The following SENP8 variants were observed in gnomAD, a reference collection of about 807,000 sequenced individuals.
SENP8 encodes the protein sentrin-specific protease 8.
SENP8 carries 10 observed loss-of-function variants against 14.4 expected under a neutral mutation model. The observed-to-expected ratio is 0.69, with a 90% CI of 0.43 to 1.18. SENP8 has a LOEUF of 1.18. Ranked by LOEUF, SENP8 falls within the 50% of genes most tolerant of loss-of-function variation. The pLI is 0.00. For missense variants in SENP8, 202 were observed against 249.4 expected (o/e 0.81, Z 1.28); for synonymous variants, 94 against 95.5 (o/e 0.98, Z 0.09).
At chr15:72,135,829 C>G (rs917519784) in intron 1 of SENP8, among the ~76,000 whole-genome samples, 1 of 152,212 alleles carries the variant, frequency 6.6e-6, no homozygotes, top group African/African-American at 2.4e-5. Context: ...ACTGTTGAGG[C>G]AGTCTTCTTG....
intron 1 of SENP8, among the ~76,000 whole-genome samples, chr15:72,119,950 C>A (rs2151317907): frequency 6.6e-6 from 1 of 152,318 alleles, no homozygotes; most frequent in South Asian, 2.1e-4. Flanking sequence ...CTCCCGTTCC[C>A]TTCCGTCCAG....
chr15:72,132,602 TATC>T (rs60305971), intron 1 of SENP8, among the ~76,000 whole-genome samples: 30,158 of 151,030 alleles, frequency 0.2, 3,191 homozygotes, highest in East Asian at 0.4. Flanking sequence ...ATAATGTTAT[TATC>T]ATCCTCTCAC....
intron 1 of SENP8, among the ~76,000 whole-genome samples, chr15:72,132,671 T>C (rs2081286052): frequency 6.6e-6 from 1 of 151,078 alleles, no homozygotes; most frequent in African/African-American, 2.4e-5. Flanking sequence ...TTTTTTTTTT[T>C]TTTAAACAGA....
At position 72,125,369 on chromosome 15, in the gene SENP8, G is replaced by C. The variant is rs28507982; in HGVS notation, c.-48+6905G>C. ...ATTTTATTTTAACTTACATTTATTT[G>C]ATTACTACTCTGATGTCCAGTGTCT... is the stretch of plus-strand genomic sequence containing the variant. On this transcript the variant is annotated intron_variant, in intron 1 of 1. Coordinates refer to ENST00000340912, the MANE Select transcript of SENP8 (RefSeq NM_145204.4). Among the ~76,000 whole-genome samples, 857 of 152,062 alleles carry C rather than the reference G, an allele frequency of 5.6e-3. 11 individuals carry two copies. Among genetic ancestry groups the C allele is most frequent in the African/African-American group, 0.02 (811 of 41,476 alleles).
intron 1 of SENP8, among the ~76,000 whole-genome samples, chr15:72,125,668 T>C (rs1438472353): frequency 1.3e-5 from 2 of 152,140 alleles, no homozygotes; most frequent in African/African-American, 4.8e-5. Flanking sequence ...TATTTCGTGG[T>C]TAAATAAGTT....
At chr15:72,117,466 G>A (rs1395885584), upstream of SENP8, among the ~76,000 whole-genome samples, 1 of 152,160 alleles carries the variant, frequency 6.6e-6, no homozygotes, top group Admixed American at 6.5e-5. Context: ...GAGGCTGGAG[G>A]GCCGGAATGG....
chr15:72,132,481 C>T (rs1333374535), intron 1 of SENP8, among the ~76,000 whole-genome samples: 2 of 152,018 alleles, frequency 1.3e-5, no homozygotes, highest in Non-Finnish European at 2.9e-5. Context: ...TATTGCACTT[C>T]AGATATGCCA....
intron 1 of SENP8, among the ~76,000 whole-genome samples, chr15:72,130,050 C>G (rs1036942632): frequency 2.0e-5 from 3 of 151,914 alleles, no homozygotes; most frequent in African/African-American, 7.3e-5. Flanking sequence ...ATTAGCCAAG[C>G]ATTGTGGTAG....
chr15:72,115,818 T>C (rs1455734063), upstream of SENP8, among the ~76,000 whole-genome samples: 1 of 152,220 alleles, frequency 6.6e-6, no homozygotes, highest in East Asian at 1.9e-4. Flanking sequence ...TCAGGAATTT[T>C]TTTCAACTCA....
At chr15:72,118,056 G>C (rs377013970), upstream of SENP8, 26 of 396,108 alleles carry the variant, frequency 6.6e-5, no homozygotes, top group South Asian at 2.9e-3. Flanking sequence ...AACCGCCGCC[G>C]CGTCCCTTAT....
At chr15:72,121,431 GA>G (rs1348842252) in intron 1 of SENP8, among the ~76,000 whole-genome samples, 1 of 152,016 alleles carries the variant, frequency 6.6e-6, no homozygotes, top group East Asian at 1.9e-4. Context: ...ATTAATTTTT[GA>G]AAAATGGAAT....
chr15:72,130,923 T>C (rs566579321), intron 1 of SENP8, among the ~76,000 whole-genome samples: 2 of 152,258 alleles, frequency 1.3e-5, no homozygotes, highest in South Asian at 4.1e-4. Flanking sequence ...CTTAGAATCA[T>C]AGAATATAGA....
At chr15:72,116,094 A>C (rs1253897964), upstream of SENP8, among the ~76,000 whole-genome samples, 2 of 152,238 alleles carry the variant, frequency 1.3e-5, no homozygotes, top group African/African-American at 4.8e-5. Context: ...GTAGGTTTAT[A>C]TATTGGAAAT....
intron 1 of SENP8, chr15:72,134,758 G>A (rs554897924): frequency 8.6e-5 from 21 of 243,180 alleles, no homozygotes; most frequent in African/African-American, 4.6e-5. Flanking sequence ...ATATGATATC[G>A]TAGACATCAA....
Position 72,139,577 on chromosome 15 carries a change from C to A in SENP8, c.-47C>A. 1 of 1,572,690 alleles carries A rather than the reference C, an allele frequency of 6.4e-7. No homozygotes were observed. Among genetic ancestry groups the A allele is most frequent in the South Asian group, 1.2e-5 (1 of 83,858 alleles). On this transcript the variant is annotated splice_region_variant and 5_prime_UTR_variant, in exon 2 of 2. Transcript: ENST00000340912. ...TATTGACAATAATATTGTCTTCTAG[C>A]TCTTGTTCAGCTTCTGGAATTTCTG...
At chr15:72,123,574 CTT>C (rs1348803649) in intron 1 of SENP8, among the ~76,000 whole-genome samples, 8 of 148,122 alleles carry the variant, frequency 5.4e-5, no homozygotes, top group Non-Finnish European at 8.9e-5. Flanking sequence ...GAGTTTTGCT[CTT>C]GTTCCCCAGG....
chr15:72,116,340 AC>A (rs2080977264), upstream of SENP8, among the ~76,000 whole-genome samples: 1 of 152,206 alleles, frequency 6.6e-6, no homozygotes, highest in African/African-American at 2.4e-5. Flanking sequence ...TCATCTTTAT[AC>A]CAATATTAAA....
At chr15:72,118,133 G>A, upstream of SENP8, 1 of 379,484 alleles carries the variant, frequency 2.6e-6, no homozygotes, top group Non-Finnish European at 4.7e-6. Flanking sequence ...CCGGCTGCAG[G>A]CGAGCAGGCG....
At chr15:72,136,034 C>T (rs534976475) in intron 1 of SENP8, among the ~76,000 whole-genome samples, 1 of 152,330 alleles carries the variant, frequency 6.6e-6, no homozygotes, top group East Asian at 1.9e-4. Context: ...TAAACTCTTA[C>T]ATCAAGTCAC....
Sources: gnomAD v4.1 joint callset for allele counts (sites outside exome capture counted in the v4.1 genomes callset) on GRCh38, gnomAD v4.1.1 for gene constraint, MANE v1.5 for transcripts, NCBI Gene and HGNC (gene_info 2026-07-23, HGNC 2026-07-21) for gene names.